Variants in HYDIN observed in about 807,000 individuals in gnomAD.
HYDIN encodes HYDIN axonemal central pair apparatus protein, also known as axonemal central pair apparatus protein HYDIN.
In HYDIN, 132 loss-of-function variants were observed where a neutral mutation model predicts 403.9. That is an observed-to-expected ratio of 0.33 (90% CI 0.28 to 0.38). The LOEUF is 0.38. Ranked by LOEUF, HYDIN falls within the 10% of genes least tolerant of loss-of-function variation. The probability of loss-of-function intolerance (pLI) is 1.00; values close to 1 mark genes in which losing one functional copy is unlikely to be tolerated. For missense variants in HYDIN, 2,827 were observed against 5,009.5 expected, an observed-to-expected ratio of 0.56 and a Z score of 13.15; for synonymous variants, 1,202 against 1,891.7, an observed-to-expected ratio of 0.64 and a Z score of 9.46.
At position 70,918,637 on chromosome 16, in the gene HYDIN, C is replaced by T. The variant is rs146095716; in HGVS notation, c.7786-208G>A. On this transcript the variant is annotated intron_variant, in intron 46 of 85. Coordinates refer to ENST00000393567, the MANE Select transcript of HYDIN (RefSeq NM_001270974.2). ...TCTCTGTTTAATATGAAGAGGCCAG[C>T]TCTTAATGTTCTAATATCTAGAGTA... 1.6e-3 allele frequency among the ~76,000 whole-genome samples: 237 copies of T among 152,338 alleles called. 1 individual carries two copies. The highest frequency in any genetic ancestry group is 2.7e-3 in the Non-Finnish European group (185 of 68,042).
At position 71,057,596 on chromosome 16, in the gene HYDIN, T is replaced by C. The variant is rs566579398; in HGVS notation, c.2529+2908A>G. ...GCAGAGGGCTATACAATTAAACATT[T>C]TATATTTAAATTTAGAAAACTATTT... is the stretch of plus-strand genomic sequence containing the variant. On this transcript the variant is annotated intron_variant, in intron 18 of 85. Coordinates refer to ENST00000393567, the MANE Select transcript of HYDIN (RefSeq NM_001270974.2). 2.3e-4 allele frequency among the ~76,000 whole-genome samples: 35 copies of C among 152,078 alleles called. No homozygotes were observed. In the East Asian group the frequency reaches 6.8e-3, roughly 29 times the overall value.
chr16:71,019,974 C>G (rs1401216867), intron 22 of HYDIN, among the ~76,000 whole-genome samples, 200 bp downstream of exon 22: 1 of 152,206 alleles, frequency 6.6e-6, no homozygotes, highest in African/African-American at 2.4e-5. Flanking sequence ...GCTGTGAGAC[C>G]TTGGGCAAAA....
intron 18 of HYDIN, among the ~76,000 whole-genome samples, chr16:71,034,724 A>G (rs1244531321): frequency 6.6e-6 from 1 of 151,660 alleles, no homozygotes; most frequent in African/African-American, 2.4e-5. Context: ...AGGAAAGAAG[A>G]ACATTTTTCA....
chr16:71,129,731 G>A lies in HYDIN; in HGVS notation c.1136C>T (p.Ser379Phe). 6.2e-7 allele frequency: 1 copy of A among 1,614,190 alleles called. No individual in the cohort carries two copies. The highest frequency in any genetic ancestry group is 8.5e-7 in the Non-Finnish European group (1 of 1,180,032). Residue 379 changes from serine (S) to phenylalanine (F), a missense_variant, in exon 9 of 86, where the codon TCT becomes TTT. Transcript: ENST00000393567. Reference sequence around the variant, plus strand: ...ATTCGCAAAGGTTCGGGACAGAACAGAAAGATGTTCTCGGAGTAAAGGATC... The same window carrying A: ...ATTCGCAAAGGTTCGGGACAGAACAAAAAGATGTTCTCGGAGTAAAGGATC... ...ITDPLLREHL[S>F]VLSRTFANQR...
At chr16:71,072,534 C>T (rs1463385490) in intron 13 of HYDIN, among the ~76,000 whole-genome samples, 1 of 151,264 alleles carries the variant, frequency 6.6e-6, no homozygotes. Flanking sequence ...TGCGTTAGCC[C>T]TTTGATAAAA....
chr16:70,861,935 G>A, intron 69 of HYDIN, 113 bp downstream of exon 69: 2 of 979,266 alleles, frequency 2.0e-6, no homozygotes, highest in South Asian at 1.7e-5. Context: ...TTGGGGATGT[G>A]CAGGGATCTA....
intron 18 of HYDIN, among the ~76,000 whole-genome samples, chr16:71,057,715 T>A (rs1048993223): frequency 1.3e-5 from 2 of 150,906 alleles, no homozygotes; most frequent in Admixed American, 6.6e-5. Flanking sequence ...AGGGCTAATA[T>A]CCAGAATCTA....
At chr16:71,198,215 A>G (rs1317090926) in intron 1 of HYDIN, among the ~76,000 whole-genome samples, 2 of 152,228 alleles carry the variant, frequency 1.3e-5, no homozygotes, top group Non-Finnish European at 2.9e-5. Flanking sequence ...TTTGTGTATA[A>G]TAATCCACCA....
chr16:71,209,200 T>C (rs974873016), intron 1 of HYDIN, among the ~76,000 whole-genome samples: 2 of 149,596 alleles, frequency 1.3e-5, no homozygotes, highest in African/African-American at 5.0e-5. Context: ...TCCACCACCA[T>C]CTAGTAGGCT....
rs138229528 is a variant in HYDIN at position 71,177,658 on chromosome 16, T to C, written c.381+1270A>G. On this transcript the variant is annotated intron_variant, in intron 4 of 85. Coordinates refer to ENST00000393567, the MANE Select transcript of HYDIN (RefSeq NM_001270974.2). Reference sequence around the variant, plus strand: ...TGCATAGTCTTTACTTAATTTCTATTTTGTCTTATAGCTAGAATTTTTTGT... The same window carrying C: ...TGCATAGTCTTTACTTAATTTCTATCTTGTCTTATAGCTAGAATTTTTTGT... Among the ~76,000 whole-genome samples the C allele has an allele frequency of 2.5e-3, 380 of 152,308 alleles. 1 individual carries two copies. The highest frequency in any genetic ancestry group is 8.9e-3 in the African/African-American group (369 of 41,558).
chr16:71,053,863 CTT>C (rs2144242823), intron 18 of HYDIN, among the ~76,000 whole-genome samples: 1 of 152,372 alleles, frequency 6.6e-6, no homozygotes, highest in African/African-American at 2.4e-5. Flanking sequence ...AAGTATATCT[CTT>C]GATTTTTTTC....
intron 69 of HYDIN, 49 bp from the exon 70 acceptor site, chr16:70,860,950 T>C: frequency 1.2e-6 from 1 of 821,884 alleles, no homozygotes. Context: ...CATCAGTTGT[T>C]GCTTTCTTAG....
chr16:71,086,784 G>A (rs1156419), intron 12 of HYDIN, among the ~76,000 whole-genome samples: 1,707 of 150,738 alleles, frequency 0.011, no homozygotes, highest in African/African-American at 0.037. Context: ...TAGAGGATCC[G>A]TGAATTGGAG....
Position 71,059,650 on chromosome 16 carries a change from G to A in HYDIN, c.2529+854C>T, listed in dbSNP as rs557798722. Among the ~76,000 whole-genome samples the A allele has an allele frequency of 7.2e-5, 11 of 152,244 alleles. No individual in the cohort carries two copies. The South Asian group carries it at 1.7e-3, about 23-fold the overall frequency. On this transcript the variant is annotated intron_variant, in intron 18 of 85. Coordinates refer to ENST00000393567, the MANE Select transcript of HYDIN (RefSeq NM_001270974.2). The stretch of plus-strand genomic sequence containing the variant: ...ACTTGAGGGTGAAGGATGGGAGGAA[G>A]AGAGAATATAAAAACTACCTGTTGG...
chr16:70,861,053 T>G (rs1043332171), intron 69 of HYDIN, 152 bp from the exon 70 acceptor site: 5 of 598,928 alleles, frequency 8.3e-6, no homozygotes, highest in African/African-American at 5.6e-5. Flanking sequence ...CTCAGTGCCT[T>G]GAATGCATGA....
chr16:70,923,647 CAAAAAAAAAAAA>C (rs57860871), intron 45 of HYDIN, among the ~76,000 whole-genome samples: 3 of 69,310 alleles, frequency 4.3e-5, no homozygotes, highest in Non-Finnish European at 7.9e-5. Flanking sequence ...CTAAAAAATA[CAAAAAAAAAAAA>C]AAAAAAAAAA....
chr16:70,910,565 G>A (rs1314061529), intron 47 of HYDIN, among the ~76,000 whole-genome samples: 1 of 150,556 alleles, frequency 6.6e-6, no homozygotes, highest in Admixed American at 6.6e-5. Context: ...TATCTTTTTC[G>A]TATAATGACT....
intron 12 of HYDIN, among the ~76,000 whole-genome samples, chr16:71,081,454 G>T (rs1214873777): frequency 6.6e-6 from 1 of 151,732 alleles, no homozygotes; most frequent in South Asian, 2.1e-4. Context: ...CAAACAGGCC[G>T]ACAGGCTATA....
chr16:71,193,448 T>C (rs1199655677), intron 1 of HYDIN, among the ~76,000 whole-genome samples: 1 of 152,170 alleles, frequency 6.6e-6, no homozygotes. Flanking sequence ...AGCTAACTCT[T>C]AGGAAGGAGA....
Sources: gnomAD v4.1 joint callset for allele counts (sites outside exome capture counted in the v4.1 genomes callset) on GRCh38, gnomAD v4.1.1 for gene constraint, MANE v1.5 for transcripts, NCBI Gene and HGNC (gene_info 2026-07-23, HGNC 2026-07-21) for gene names.